The following DOCK10 variants were observed in gnomAD, a reference collection of about 807,000 sequenced individuals.
DOCK10 encodes dedicator of cytokinesis protein 10.
DOCK10 carries 145 observed loss-of-function variants against 280.1 expected under a neutral mutation model. The ratio of observed to expected loss-of-function variants is 0.52; its 90% CI spans 0.45 to 0.59. DOCK10 has a LOEUF of 0.59. DOCK10 is among the 20% of genes least tolerant of loss of function. DOCK10 has a pLI of 0.00. For synonymous variants in DOCK10, 915 were observed against 942.2 expected (o/e 0.97, Z 0.53); for missense variants, 2,368 against 2,651.7 (o/e 0.89, Z 2.35).
intron 3 of DOCK10, among the ~76,000 whole-genome samples, chr2:224,908,178 GTGTGTA>G (rs746761398): frequency 1.0e-5 from 1 of 98,680 alleles, no homozygotes; most frequent in Non-Finnish European, 2.2e-5. Flanking sequence ...GTGTGTGTGT[GTGTGTA>G]TGTGTGTGTG....
At chr2:225,002,419 A>C (rs1272167690) in intron 1 of DOCK10, among the ~76,000 whole-genome samples, 1 of 152,192 alleles carries the variant, frequency 6.6e-6, no homozygotes, top group South Asian at 2.1e-4. Flanking sequence ...CAAGAACAGC[A>C]ATGACAACAC....
intron 45 of DOCK10, among the ~76,000 whole-genome samples, chr2:224,794,446 G>A (rs989681430): frequency 4.6e-5 from 7 of 152,194 alleles, no homozygotes; most frequent in African/African-American, 1.7e-4. Flanking sequence ...TCCATGGCCA[G>A]TTCAAACTAG....
chr2:225,035,561 T>TATATATATATG (rs1559986323), intron 1 of DOCK10, among the ~76,000 whole-genome samples: 1 of 52,628 alleles, frequency 1.9e-5, no homozygotes, highest in African/African-American at 5.0e-5. Flanking sequence ...TATATATATA[T>TATATATATATG]ATATATATAT....
Position 224,770,248 on chromosome 2 carries a change from T to C in DOCK10, c.6407A>G (p.Asp2136Gly). 1 of 1,603,668 alleles carries C rather than the reference T, an allele frequency of 6.2e-7. No homozygotes were observed. The highest frequency in any genetic ancestry group is 1.1e-5 in the South Asian group (1 of 88,810). ...GACTGTGGAGAGTTCGCTGAGCATG[T>C]CCTTGTAGTGGGACCTCAGTTCTTC... The part of the protein sequence containing the change: ...YQEELRSHYK[D>G]MLSELSTVMN... Residue 2136 changes from aspartate (D) to glycine (G), a missense_variant, in exon 55 of 56, where the codon GAC becomes GGC. Around this residue, in one of 2 missense-constraint regions of DOCK10, gnomAD observed 1,159 missense variants for 1,400.8 expected, o/e 0.83. Coordinates refer to ENST00000258390, the MANE Select transcript of DOCK10 (RefSeq NM_014689.3). The surrounding 1 kb of genome is among the most constrained non-coding windows in gnomAD (Gnocchi z 4.5).
rs1419119933 is a variant in DOCK10 at position 224,845,567 on chromosome 2, T to C, written c.2311A>G (p.Ile771Val). 6.2e-7 allele frequency: 1 copy of C among 1,613,672 alleles called. No individual in the cohort carries two copies. Among genetic ancestry groups the C allele is most frequent in the Admixed American group, 1.7e-5 (1 of 60,004 alleles). Residue 771 changes from isoleucine (I) to valine (V), a missense_variant, in exon 20 of 56, where the codon ATC becomes GTC. Transcript: ENST00000258390. Reference protein sequence around the residue: ...LFSFYHVTCDINAKANAKKKE... With the variant: ...LFSFYHVTCDVNAKANAKKKE... ...TTTTTGGCATTAGCTTTTGCATTGA[T>C]GTCACAGGTGACGTGATAAAAAGAA...
chr2:224,973,399 T>C (rs1705206434), intron 1 of DOCK10, among the ~76,000 whole-genome samples: 1 of 151,692 alleles, frequency 6.6e-6, no homozygotes, highest in African/African-American at 2.4e-5. Flanking sequence ...ATCACAGGGG[T>C]CCTTACGAGT....
At position 224,770,490 on chromosome 2, in the gene DOCK10, G is replaced by C; in HGVS notation, c.6305+55C>G. 1 of 1,578,136 alleles carries C rather than the reference G, an allele frequency of 6.3e-7. No individual in the cohort carries two copies. Among genetic ancestry groups the C allele is most frequent in the South Asian group, 1.1e-5 (1 of 89,786 alleles). ...GTGTGATGGATTCTTGGGGGATTGA[G>C]GACTCCCTGTCTCAGGAAGTTCAAG... is the stretch of plus-strand genomic sequence containing the variant. On this transcript the variant is annotated intron_variant, in intron 54 of 55. Coordinates refer to ENST00000258390, the MANE Select transcript of DOCK10 (RefSeq NM_014689.3). This position sits in a 1 kb window ranked among gnomAD's most constrained non-coding sequence, Gnocchi z 4.5.
In DOCK10 at chr2:224,874,023, C is replaced by G. The variant is rs200146665; in HGVS notation, c.1230G>C (p.Thr410=). ...TCGTTATCGGATCATTTTCATTCTC[C>G]GTAACACATCCCTGAAGATTTGAGT... ...ALNSNLQGCV[T]ENENDPITNI... Residue 410 remains threonine (T), a synonymous_variant, in exon 11 of 56, where the codon ACG becomes ACC. Coordinates refer to ENST00000258390, the MANE Select transcript of DOCK10 (RefSeq NM_014689.3). 9 of 1,612,458 alleles carry G rather than the reference C, an allele frequency of 5.6e-6. No homozygotes were observed. The highest frequency in any genetic ancestry group is 7.6e-6 in the Non-Finnish European group (9 of 1,179,594).
intron 26 of DOCK10, among the ~76,000 whole-genome samples, chr2:224,832,220 A>T (rs1383678137): frequency 6.6e-6 from 1 of 152,190 alleles, no homozygotes; most frequent in African/African-American, 2.4e-5. Flanking sequence ...CAATGAAGGG[A>T]TATTTAGTTC....
At position 225,018,540 on chromosome 2, in the gene DOCK10, T is replaced by TTA. The variant is rs566641136; in HGVS notation, c.123+23710_123+23711dup. Among the ~76,000 whole-genome samples, 4 of 6,448 alleles carry TTA rather than the reference T, an allele frequency of 6.2e-4. 1 individual carries two copies. The highest frequency in any genetic ancestry group is 1.1e-3 in the Non-Finnish European group (3 of 2,780). 4.2% of individuals were successfully genotyped at this position (6,448 alleles called of 152,430 possible). On this transcript the variant is annotated intron_variant, in intron 1 of 55. Transcript: ENST00000258390. ...ATATATATATAATATATATGTAATA[T>TTA]TATATATATATAATATATATGTAAT... is the stretch of plus-strand genomic sequence containing the variant.
chr2:224,856,748 C>G (rs1310906052), intron 15 of DOCK10, 112 bp downstream of exon 15: 4 of 1,007,658 alleles, frequency 4.0e-6, no homozygotes, highest in Middle Eastern at 3.3e-4. Context: ...TGAAAAATAT[C>G]TGCTTTCTGG....
Position 224,845,251 on chromosome 2 carries a change from T to A in DOCK10, c.2433A>T (p.Thr811=). The A allele has an allele frequency of 6.3e-7, 1 of 1,586,178 alleles. No homozygotes were observed. The highest frequency in any genetic ancestry group is 8.6e-7 in the Non-Finnish European group (1 of 1,164,504). ...AGCTTAAATAATTAGGAGGCAGACT[T>A]GTTGCTATTGGGATGTTGTACTCTT... The part of the protein sequence containing the change: ...ASQEYNIPIA[T]SLPPNYLSFQ... Residue 811 remains threonine (T), a synonymous_variant, in exon 21 of 56, where the codon ACA becomes ACT. Coordinates refer to ENST00000258390, the MANE Select transcript of DOCK10 (RefSeq NM_014689.3).
chr2:224,886,108 G>A lies in DOCK10; in HGVS notation c.567C>T (p.Tyr189=). The part of the protein sequence containing the change: ...GTGVFKSGWL[Y]KGNFNSTVNN... ...TCACGGTGCTGTTAAAATTCCCCTT[G>A]TAGAGCCAGCCGGACTTGAAAACAC... The change falls in exon 6 of 56, where the codon TAC becomes TAT. Residue 189 remains tyrosine, a synonymous_variant. Transcript: ENST00000258390. 1.9e-6 allele frequency: 3 copies of A among 1,613,782 alleles called. No individual in the cohort carries two copies. Among genetic ancestry groups the A allele is most frequent in the Non-Finnish European group, 2.5e-6 (3 of 1,179,856 alleles).
chr2:224,867,747 G>C (rs547285271), intron 11 of DOCK10, among the ~76,000 whole-genome samples: 8 of 152,292 alleles, frequency 5.3e-5, no homozygotes, highest in African/African-American at 1.4e-4. Context: ...TTGTGGGAGA[G>C]GCATTTGAGA....
At chr2:224,998,486 A>T (rs2396173) in intron 1 of DOCK10, among the ~76,000 whole-genome samples, 116 of 152,218 alleles carry the variant, frequency 7.6e-4, no homozygotes, top group African/African-American at 2.7e-3. Flanking sequence ...CTCTGGAAAC[A>T]ATCTCTGTAC....
chr2:224,786,752 G>C lies in DOCK10; in HGVS notation c.5655+270C>G, dbSNP rs571015683. On this transcript the variant is annotated intron_variant, in intron 50 of 55. Coordinates refer to ENST00000258390, the MANE Select transcript of DOCK10 (RefSeq NM_014689.3). The surrounding 1 kb of genome is among the most constrained non-coding windows in gnomAD (Gnocchi z 4.7). ...ATTTTAGGGTGAGCTGGAAAGAAGAGAGTGTTGAAAAATAAATGCCCTCTT... is the reference window on the plus strand; with the variant it reads ...ATTTTAGGGTGAGCTGGAAAGAAGACAGTGTTGAAAAATAAATGCCCTCTT... Among the ~76,000 whole-genome samples, 1 of 152,200 alleles carries C rather than the reference G, an allele frequency of 6.6e-6. No homozygotes were observed. Among genetic ancestry groups the C allele is most frequent in the Non-Finnish European group, 1.5e-5 (1 of 68,032 alleles).
chr2:225,015,160 A>G (rs1394505607), intron 1 of DOCK10, among the ~76,000 whole-genome samples: 1 of 152,194 alleles, frequency 6.6e-6, no homozygotes, highest in Non-Finnish European at 1.5e-5. Flanking sequence ...AGTTTGTAAT[A>G]GCAGTCTGTT....
chr2:224,870,814 C>CCTTTTTTT (rs1559614196), intron 11 of DOCK10, among the ~76,000 whole-genome samples: 11 of 106,494 alleles, frequency 1.0e-4, no homozygotes, highest in African/African-American at 4.5e-4. Flanking sequence ...ATGGCCACTC[C>CCTTTTTTT]ATTTTTTTTT....
intron 4 of DOCK10, among the ~76,000 whole-genome samples, chr2:224,895,841 G>GTA (rs71410338): frequency 0.28 from 38,203 of 135,744 alleles, 5,678 homozygotes; most frequent in East Asian, 0.42. Flanking sequence ...GCGTGTGTGT[G>GTA]TATATATATA....
Sources: gnomAD v4.1 joint callset for allele counts (sites outside exome capture counted in the v4.1 genomes callset) on GRCh38, gnomAD v4.1.1 for gene constraint, gnomAD v4.1.1 regional missense constraint, Gnocchi (gnomAD v3.1) non-coding constraint, MANE v1.5 for transcripts, NCBI Gene and HGNC (gene_info 2026-07-23, HGNC 2026-07-21) for gene names.